GC: variants seen among roughly 807,000 people sequenced by gnomAD.
GC encodes the protein GC vitamin D binding protein.
In GC, 43 loss-of-function variants were observed where a neutral mutation model predicts 56.7. The observed-to-expected ratio is 0.76, with a 90% CI of 0.59 to 0.98. The LOEUF is 0.98. Among genes scored for constraint, GC ranks in the 50% least tolerant of loss-of-function variants. The probability of loss-of-function intolerance (pLI) is 0.00; values close to 1 mark genes in which losing one functional copy is unlikely to be tolerated. For synonymous variants in GC, 216 were observed against 202.7 expected, an observed-to-expected ratio of 1.07 and a Z score of -0.56; for missense variants, 529 against 545.9, an observed-to-expected ratio of 0.97 and a Z score of 0.31.
chr4:71,757,156 A>G (rs1047726615), intron 7 of GC, among the ~76,000 whole-genome samples: 40 of 152,332 alleles, frequency 2.6e-4, no homozygotes, highest in African/African-American at 8.9e-4. Flanking sequence ...TAAAACGACA[A>G]CAACTATAAG....
chr4:71,798,673 TCTA>T (rs1307534994), intron 1 of GC, among the ~76,000 whole-genome samples: 5 of 152,130 alleles, frequency 3.3e-5, no homozygotes, highest in Non-Finnish European at 7.4e-5. Flanking sequence ...TAAGAGTGAG[TCTA>T]CAAAAAGCCT....
At chr4:71,757,670 G>A (rs1211896111) in intron 7 of GC, among the ~76,000 whole-genome samples, 1 of 152,094 alleles carries the variant, frequency 6.6e-6, no homozygotes, top group Non-Finnish European at 1.5e-5. Context: ...TGTAACTGAA[G>A]AACTGAATTT....
intron 1 of GC, among the ~76,000 whole-genome samples, chr4:71,799,622 G>T (rs1222813077): frequency 6.6e-6 from 1 of 152,176 alleles, no homozygotes; most frequent in South Asian, 2.1e-4. Flanking sequence ...AAGTGTGGGG[G>T]TCTCTTAGAG....
chr4:71,768,527 G>A (rs952630405), intron 2 of GC, 94 bp from the exon 3 acceptor site: 10 of 1,099,282 alleles, frequency 9.1e-6, no homozygotes, highest in Non-Finnish European at 1.0e-5. Context: ...GGAGTGCAGT[G>A]GTGTGATCTC....
chr4:71,749,979 A>C lies in GC; in HGVS notation c.1395+2539T>G, dbSNP rs1021334339. On this transcript the variant is annotated intron_variant, in intron 11 of 12. Transcript: ENST00000273951. The stretch of plus-strand genomic sequence containing the variant: ...AGGTTATAAGGAAGAAATTAGAAAA[A>C]GATGTAGCTCCATTTGTCAAACTAA... Among the ~76,000 whole-genome samples the C allele has an allele frequency of 5.9e-5, 9 of 152,312 alleles. No homozygotes were observed. The South Asian group carries it at 1.9e-3, about 32-fold the overall frequency.
chr4:71,764,139 G>A (rs1396670939), intron 4 of GC, among the ~76,000 whole-genome samples: 1 of 152,010 alleles, frequency 6.6e-6, no homozygotes, highest in South Asian at 2.1e-4. Flanking sequence ...ATGCCACCAT[G>A]CTCATCTAAT....
intron 1 of GC, among the ~76,000 whole-genome samples, chr4:71,771,547 CTCA>C (rs975725540): frequency 2.6e-5 from 4 of 152,072 alleles, no homozygotes; most frequent in Non-Finnish European, 4.4e-5. Context: ...CTCAAACACC[CTCA>C]AAACCACACA....
At chr4:71,775,794 A>G (rs1197241181) in intron 1 of GC, among the ~76,000 whole-genome samples, 2 of 152,102 alleles carry the variant, frequency 1.3e-5, no homozygotes, top group Admixed American at 1.3e-4. Context: ...AAGGAACTCA[A>G]ACAACTCAAT....
chr4:71,782,689 G>A (rs1409953302), intron 1 of GC, among the ~76,000 whole-genome samples: 1 of 151,818 alleles, frequency 6.6e-6, no homozygotes, highest in African/African-American at 2.4e-5. Context: ...CCTGCTTATG[G>A]CCTCCATATA....
At chr4:71,771,644 C>A (rs1176028257) in intron 1 of GC, among the ~76,000 whole-genome samples, 1 of 152,040 alleles carries the variant, frequency 6.6e-6, no homozygotes, top group Non-Finnish European at 1.5e-5. Context: ...GTTGATAAAG[C>A]TAATTGTTAG....
At chr4:71,788,583 GAT>G (rs1742896278), upstream of GC, among the ~76,000 whole-genome samples, 1 of 149,488 alleles carries the variant, frequency 6.7e-6, no homozygotes, top group South Asian at 2.1e-4. Context: ...AAGAGAAACA[GAT>G]ATTTAAGAGA....
chr4:71,792,404 C>A (rs1742993715), intron 1 of GC, among the ~76,000 whole-genome samples: 2 of 152,206 alleles, frequency 1.3e-5, no homozygotes, highest in Non-Finnish European at 2.9e-5. Context: ...ATTTGCATTT[C>A]TCTGATGACC....
At chr4:71,766,018 T>C (rs222009) in intron 3 of GC, among the ~76,000 whole-genome samples, 142,689 of 152,062 alleles carry the variant, frequency 0.94, 67,313 homozygotes, top group Non-Finnish European at 1. Flanking sequence ...ATTCTGTCAT[T>C]ATCTCCCATC....
At chr4:71,802,686 G>T (rs372617251) in intron 1 of GC, among the ~76,000 whole-genome samples, 1 of 152,162 alleles carries the variant, frequency 6.6e-6, no homozygotes, top group Non-Finnish European at 1.5e-5. Flanking sequence ...ATATCTGAGA[G>T]TTTAATTTGT....
intron 12 of GC, among the ~76,000 whole-genome samples, chr4:71,744,942 G>A (rs1741312716): frequency 6.6e-6 from 1 of 152,162 alleles, no homozygotes; most frequent in Non-Finnish European, 1.5e-5. Context: ...ATTATTTAGA[G>A]AACTTACTTT....
intron 1 of GC, among the ~76,000 whole-genome samples, chr4:71,801,096 A>G (rs1313264933): frequency 6.6e-6 from 1 of 152,216 alleles, no homozygotes; most frequent in Non-Finnish European, 1.5e-5. Flanking sequence ...TAAGCGCCTC[A>G]TATCCAGAAG....
chr4:71,800,073 T>A (rs1429218076), intron 1 of GC, among the ~76,000 whole-genome samples: 1 of 152,184 alleles, frequency 6.6e-6, no homozygotes, highest in Admixed American at 6.5e-5. Flanking sequence ...CTTCCTTTTT[T>A]TTTTTTTAAT....
chr4:71,773,914 T>A (rs992019710), intron 1 of GC, among the ~76,000 whole-genome samples: 3 of 152,202 alleles, frequency 2.0e-5, no homozygotes, highest in Non-Finnish European at 4.4e-5. Flanking sequence ...AGTATTTTTT[T>A]AAATAAATTT....
At chr4:71,802,913 G>A (rs1288254232) in intron 1 of GC, among the ~76,000 whole-genome samples, 1 of 152,136 alleles carries the variant, frequency 6.6e-6, no homozygotes, top group East Asian at 1.9e-4. Flanking sequence ...CCACAACCCT[G>A]TCTTACACTG....
Sources: gnomAD v4.1 joint callset for allele counts (sites outside exome capture counted in the v4.1 genomes callset) on GRCh38, gnomAD v4.1.1 for gene constraint, MANE v1.5 for transcripts, NCBI Gene and HGNC (gene_info 2026-07-23, HGNC 2026-07-21) for gene names.